The following CFAP299 variants were observed in gnomAD, a reference collection of about 807,000 sequenced individuals.
CFAP299 encodes cilia and flagella associated protein 299.
In CFAP299, 21 loss-of-function variants were observed where a neutral mutation model predicts 27.0. The ratio of observed to expected loss-of-function variants is 0.78; its 90% confidence interval spans 0.55 to 1.12. The LOEUF (loss-of-function observed/expected upper bound fraction) is 1.12. CFAP299 is among the 50% of genes most tolerant of loss of function. CFAP299 has a pLI of 0.00. For synonymous variants in CFAP299, 104 were observed against 98.1 expected (o/e 1.06, Z -0.36); for missense variants, 310 against 276.6 (o/e 1.12, Z -0.86).
intron 3 of CFAP299, among the ~76,000 whole-genome samples, chr4:80,815,739 G>A (rs1729387880): frequency 6.6e-6 from 1 of 151,792 alleles, no homozygotes; most frequent in Non-Finnish European, 1.5e-5. Context: ...ATTAAGGCAA[G>A]CAGCAGAATG....
intron 2 of CFAP299, among the ~76,000 whole-genome samples, chr4:80,494,579 C>T (rs1430968126): frequency 1.3e-5 from 2 of 152,192 alleles, no homozygotes; most frequent in South Asian, 4.1e-4. Flanking sequence ...CCTCTGGCCA[C>T]CCTAGCCTCC....
chr4:80,391,473 G>C (rs541640917), intron 2 of CFAP299, among the ~76,000 whole-genome samples: 15 of 152,220 alleles, frequency 9.9e-5, no homozygotes, highest in Non-Finnish European at 2.1e-4. Flanking sequence ...GACTAGTGAT[G>C]TTGAGCACTT....
intron 2 of CFAP299, among the ~76,000 whole-genome samples, chr4:80,481,791 A>G (rs1730584193): frequency 1.3e-5 from 2 of 152,090 alleles, no homozygotes; most frequent in African/African-American, 4.8e-5. Flanking sequence ...TATATGTATT[A>G]ATTATTACCA....
At chr4:80,386,882 G>T (rs1361450182) in intron 2 of CFAP299, 4 of 843,680 alleles carry the variant, frequency 4.7e-6, no homozygotes, top group Non-Finnish European at 8.3e-6. Flanking sequence ...ATGCGGACTC[G>T]CACACCGAGC....
chr4:80,846,265 G>A (rs759695979), intron 3 of CFAP299, among the ~76,000 whole-genome samples: 2 of 152,176 alleles, frequency 1.3e-5, no homozygotes, highest in Non-Finnish European at 2.9e-5. Context: ...GTTTCAAAGG[G>A]ATAAGAGAAG....
chr4:80,866,059 T>TTTTATATATATATATATATATATATATA, intron 3 of CFAP299, among the ~76,000 whole-genome samples: 1 of 58,382 alleles, frequency 1.7e-5, no homozygotes, highest in African/African-American at 3.8e-5. Context: ...ACTTAAAGTA[T>TTTTATATATATATATATATATATATATA]TATATATATA....
intron 2 of CFAP299, among the ~76,000 whole-genome samples, chr4:80,429,464 GT>G (rs1284887611): frequency 6.6e-6 from 1 of 151,988 alleles, no homozygotes; most frequent in African/African-American, 2.4e-5. Context: ...ACACATTTCT[GT>G]TGCATTTTAC....
chr4:80,454,749 A>G (rs947412428), intron 2 of CFAP299, among the ~76,000 whole-genome samples: 1 of 152,172 alleles, frequency 6.6e-6, no homozygotes, highest in Non-Finnish European at 1.5e-5. Context: ...ATTGAAAGAG[A>G]GAAAGAGTTT....
chr4:80,794,871 G>A (rs894701010), intron 3 of CFAP299, among the ~76,000 whole-genome samples: 3 of 152,170 alleles, frequency 2.0e-5, no homozygotes, highest in Non-Finnish European at 4.4e-5. Flanking sequence ...CCCAAGGAAT[G>A]GTGCCATATT....
intron 4 of CFAP299, among the ~76,000 whole-genome samples, chr4:80,893,220 T>A (rs1734434194): frequency 6.6e-6 from 1 of 151,262 alleles, no homozygotes; most frequent in Admixed American, 6.6e-5. Flanking sequence ...GAAACATTGA[T>A]GAAAGAAATT....
At chr4:80,628,746 A>G (rs773703151) in intron 3 of CFAP299, among the ~76,000 whole-genome samples, 2 of 152,218 alleles carry the variant, frequency 1.3e-5, no homozygotes, top group Non-Finnish European at 2.9e-5. Flanking sequence ...ATTACTAATC[A>G]GGGAAACATA....
At chr4:80,889,594 G>A (rs1013563485) in intron 4 of CFAP299, among the ~76,000 whole-genome samples, 3 of 151,920 alleles carry the variant, frequency 2.0e-5, no homozygotes, top group African/African-American at 7.2e-5. Flanking sequence ...GAAAAATAGA[G>A]GAAGACAGAA....
At chr4:80,800,884 G>T (rs920991579) in intron 3 of CFAP299, among the ~76,000 whole-genome samples, 1 of 149,282 alleles carries the variant, frequency 6.7e-6, no homozygotes, top group African/African-American at 2.5e-5. Flanking sequence ...AGGAGAACCA[G>T]TCTGAGTCCC....
intron 3 of CFAP299, among the ~76,000 whole-genome samples, chr4:80,844,241 T>G (rs1377631291): frequency 2.0e-5 from 3 of 152,306 alleles, no homozygotes; most frequent in South Asian, 2.1e-4. Flanking sequence ...TATAGCAGCA[T>G]GATTTATAGT....
At chr4:80,327,475 T>A in the CFAP299 span, among the ~76,000 whole-genome samples, 3 of 151,366 alleles carry the variant, frequency 2.0e-5, no homozygotes, top group African/African-American at 7.3e-5. Context: ...AACGGGAGAG[T>A]GACACGATCT....
chr4:80,892,673 C>A (rs2110188090), intron 4 of CFAP299, among the ~76,000 whole-genome samples: 1 of 152,044 alleles, frequency 6.6e-6, no homozygotes, highest in Admixed American at 6.6e-5. Flanking sequence ...TAATAAAAAT[C>A]AATATATTTC....
In CFAP299 at chr4:80,665,553, G is replaced by A. The variant is rs923410351; in HGVS notation, c.333+82370G>A. On this transcript the variant is annotated intron_variant, in intron 3 of 5. Coordinates refer to ENST00000358105, the MANE Select transcript of CFAP299 (RefSeq NM_152770.3). ...TCAAAATTATTCATTCTCTAGATGTGTCTTATTATTGTCTTAAATTTCCTC... is the reference window on the plus strand; with the variant it reads ...TCAAAATTATTCATTCTCTAGATGTATCTTATTATTGTCTTAAATTTCCTC... 5.9e-5 allele frequency among the ~76,000 whole-genome samples: 9 copies of A among 151,978 alleles called. No individual in the cohort carries two copies. In the East Asian group the frequency reaches 1.7e-3, roughly 29 times the overall value.
intron 5 of CFAP299, among the ~76,000 whole-genome samples, chr4:80,963,112 A>G (rs1336667193): frequency 6.6e-6 from 1 of 152,104 alleles, no homozygotes. Flanking sequence ...ACTGATCTAA[A>G]TCAATCCCAG....
chr4:80,715,468 A>AT (rs564474580), intron 3 of CFAP299, among the ~76,000 whole-genome samples: 6 of 151,830 alleles, frequency 4.0e-5, no homozygotes, highest in Non-Finnish European at 5.9e-5. Flanking sequence ...GATGGCAGAC[A>AT]TTTTTTTCTT....
Sources: allele counts gnomAD v4.1 joint callset (sites outside exome capture counted in the v4.1 genomes callset), GRCh38; gene constraint gnomAD v4.1.1; transcripts MANE v1.5; gene names NCBI Gene and HGNC (gene_info 2026-07-23, HGNC 2026-07-21).